The following GRIP1 variants were observed in gnomAD, a reference collection of about 807,000 sequenced individuals.
GRIP1 encodes glutamate receptor-interacting protein 1.
Under a neutral mutation model 129.9 loss-of-function variants are expected in GRIP1, and 45 were observed. The observed-to-expected ratio is 0.35, with a 90% CI of 0.27 to 0.44. The LOEUF is 0.44. GRIP1 is among the 20% of genes least tolerant of loss of function. The pLI is 1.00. For synonymous variants in GRIP1, 530 were observed against 520.8 expected, an observed-to-expected ratio of 1.02 and a Z score of -0.24; for missense variants, 1,196 against 1,396.8, an observed-to-expected ratio of 0.86 and a Z score of 2.29.
intron 7 of GRIP1, among the ~76,000 whole-genome samples, chr12:66,494,534 G>A (rs1460682662): frequency 1.3e-5 from 2 of 152,100 alleles, no homozygotes; most frequent in Non-Finnish European, 2.9e-5. Flanking sequence ...GTGTGAATTT[G>A]AATAAATTAA....
At chr12:66,634,399 C>A (rs2031150060) in intron 1 of GRIP1, among the ~76,000 whole-genome samples, 1 of 152,094 alleles carries the variant, frequency 6.6e-6, no homozygotes, top group African/African-American at 2.4e-5. Flanking sequence ...TCATGGAAGA[C>A]TTGCTTTTAT....
At chr12:66,945,189 C>A (rs568588113) in intron 1 of GRIP1, among the ~76,000 whole-genome samples, 22 of 152,066 alleles carry the variant, frequency 1.4e-4, no homozygotes, top group Non-Finnish European at 2.8e-4. Flanking sequence ...ATGTTAGGTT[C>A]AGGAGTCCAT....
At chr12:66,862,811 ATCTC>A (rs1431408172) in intron 1 of GRIP1, among the ~76,000 whole-genome samples, 1 of 152,068 alleles carries the variant, frequency 6.6e-6, no homozygotes, top group African/African-American at 2.4e-5. Context: ...TCTAGATTCC[ATCTC>A]TCTATGTGGT....
chr12:66,525,146 T>C (rs1014531632), intron 5 of GRIP1, among the ~76,000 whole-genome samples: 12 of 152,118 alleles, frequency 7.9e-5, no homozygotes, highest in South Asian at 4.1e-4. Context: ...TTCCAATCAA[T>C]AGAAAAAGAG....
chr12:66,833,793 G>A (rs1592888821), intron 1 of GRIP1, among the ~76,000 whole-genome samples: 2 of 152,290 alleles, frequency 1.3e-5, no homozygotes, highest in South Asian at 4.2e-4. Flanking sequence ...TGTAAGAATT[G>A]AAAGTAGAGG....
intron 1 of GRIP1, among the ~76,000 whole-genome samples, chr12:66,684,842 CGAAAT>C (rs372087444): frequency 3.5e-4 from 53 of 151,988 alleles, no homozygotes; most frequent in African/African-American, 4.8e-4. Flanking sequence ...AAGACTCTGT[CGAAAT>C]GAAATGAAAT....
At chr12:66,437,967 T>C (rs1051080228) in intron 13 of GRIP1, among the ~76,000 whole-genome samples, 1 of 152,254 alleles carries the variant, frequency 6.6e-6, no homozygotes, top group East Asian at 1.9e-4. Context: ...GTTTCCCCAA[T>C]TGAGCCTCAG....
At chr12:66,956,943 C>A (rs7961104) in intron 1 of GRIP1, among the ~76,000 whole-genome samples, 3,973 of 152,284 alleles carry the variant, frequency 0.026, 171 homozygotes, top group African/African-American at 0.09. Context: ...ACTCAGTCAA[C>A]ACAGGGTTCA....
At chr12:66,582,508 C>A (rs1181346011) in intron 2 of GRIP1, among the ~76,000 whole-genome samples, 2 of 147,544 alleles carry the variant, frequency 1.4e-5, no homozygotes, top group Non-Finnish European at 3.0e-5. Context: ...TAGAAAACCC[C>A]ATTGTCTCAG....
At chr12:66,886,578 C>T (rs925871615) in intron 1 of GRIP1, among the ~76,000 whole-genome samples, 2 of 152,126 alleles carry the variant, frequency 1.3e-5, no homozygotes, top group African/African-American at 2.4e-5. Context: ...AATCTCCTAA[C>T]GACCCATAAG....
chr12:66,844,982 G>A (rs937098144), intron 1 of GRIP1, among the ~76,000 whole-genome samples: 6 of 152,134 alleles, frequency 3.9e-5, no homozygotes, highest in African/African-American at 1.4e-4. Flanking sequence ...ATGAGTTAGC[G>A]CTTAATGGAC....
intron 7 of GRIP1, among the ~76,000 whole-genome samples, chr12:66,485,472 A>C (rs959233395): frequency 2.6e-5 from 4 of 151,710 alleles, no homozygotes; most frequent in Non-Finnish European, 5.9e-5. Context: ...CAAAATATAT[A>C]TTCTAGTATG....
At chr12:66,972,011 C>T (rs2134831) in intron 1 of GRIP1, among the ~76,000 whole-genome samples, 35,551 of 151,884 alleles carry the variant, frequency 0.23, 4,299 homozygotes, top group East Asian at 0.4. Flanking sequence ...ACAAGAACCG[C>T]GAGGACCTTG....
At chr12:66,948,888 G>T (rs1384304134) in intron 1 of GRIP1, among the ~76,000 whole-genome samples, 2 of 152,148 alleles carry the variant, frequency 1.3e-5, no homozygotes, top group Non-Finnish European at 2.9e-5. Flanking sequence ...CTAACAAATT[G>T]TAGAGTTTTA....
In GRIP1 at chr12:66,491,203, G is replaced by A. The variant is rs377202111; in HGVS notation, c.724+24416C>T. ...GCACTATTCACAATAGCAGAGATAC[G>A]GAATCAACCCAAATGCTCATCAATG... is the stretch of plus-strand genomic sequence containing the variant. On this transcript the variant is annotated intron_variant, in intron 7 of 24. Transcript: ENST00000359742. Among the ~76,000 whole-genome samples, 8 of 152,198 alleles carry A rather than the reference G, an allele frequency of 5.3e-5. 1 individual carries two copies. The highest frequency in any genetic ancestry group is 1.4e-4 in the African/African-American group (6 of 41,532).
At chr12:66,740,274 T>A (rs1389591339) in intron 1 of GRIP1, among the ~76,000 whole-genome samples, 2 of 152,214 alleles carry the variant, frequency 1.3e-5, no homozygotes, top group East Asian at 3.9e-4. Context: ...GGAAAAGATC[T>A]AATTTCAGGT....
At chr12:66,525,084 C>T (rs146770292) in intron 5 of GRIP1, among the ~76,000 whole-genome samples, 3,471 of 152,144 alleles carry the variant, frequency 0.023, 123 homozygotes, top group African/African-American at 0.08. Flanking sequence ...AATTCACAGC[C>T]GAATTCTACC....
At chr12:66,914,296 T>C (rs2041082733) in intron 1 of GRIP1, among the ~76,000 whole-genome samples, 1 of 152,196 alleles carries the variant, frequency 6.6e-6, no homozygotes, top group Non-Finnish European at 1.5e-5. Context: ...TTTGCTGTTG[T>C]TAACAATATA....
chr12:66,456,349 A>G lies in GRIP1; in HGVS notation c.1043-7T>C. ...TCGCTCCTCTGAATTTTCACTGCCCATATGAAGTGATGATGAAAAATAAGA... is the reference window on the plus strand; with the variant it reads ...TCGCTCCTCTGAATTTTCACTGCCCGTATGAAGTGATGATGAAAAATAAGA... On this transcript the variant is annotated splice_region_variant and splice_polypyrimidine_tract_variant and intron_variant, in intron 9 of 24. Coordinates refer to ENST00000359742, the MANE Select transcript of GRIP1 (RefSeq NM_001366722.1). 1 of 1,279,792 alleles carries G rather than the reference A, an allele frequency of 7.8e-7. No homozygotes were observed. The highest frequency in any genetic ancestry group is 1.0e-6 in the Non-Finnish European group (1 of 981,202). 79.3% of individuals were successfully genotyped at this position (1,279,792 alleles called of 1,614,324 possible). A position where few individuals can be genotyped will look rare whatever the true frequency, so the allele number is the denominator to read the frequency against.
Sources: allele counts gnomAD v4.1 joint callset (sites outside exome capture counted in the v4.1 genomes callset), GRCh38; gene constraint gnomAD v4.1.1; transcripts MANE v1.5; gene names NCBI Gene and HGNC (gene_info 2026-07-23, HGNC 2026-07-21).